ERBB4: variants seen among roughly 807,000 people sequenced by gnomAD.
ERBB4 encodes erb-b2 receptor tyrosine kinase 4, also known as receptor tyrosine-protein kinase erbB-4.
A neutral mutation model predicts 158.0 loss-of-function variants in ERBB4; 42 were observed. That is an observed-to-expected ratio of 0.27 (90% CI 0.21 to 0.34). The LOEUF (loss-of-function observed/expected upper bound fraction) is 0.34. Ranked by LOEUF, ERBB4 falls within the 10% of genes least tolerant of loss-of-function variation. The probability of loss-of-function intolerance (pLI) is 1.00; values close to 1 mark genes in which losing one functional copy is unlikely to be tolerated. For missense variants in ERBB4, 1,333 were observed against 1,624.1 expected, an observed-to-expected ratio of 0.82 and a Z score of 3.08; for synonymous variants, 583 against 558.7, an observed-to-expected ratio of 1.04 and a Z score of -0.61.
At chr2:211,738,376 T>G (rs4673631) in intron 5 of ERBB4, among the ~76,000 whole-genome samples, 5 of 89,854 alleles carry the variant, frequency 5.6e-5, no homozygotes, top group African/African-American at 2.3e-4. Context: ...TTTTTTTTTT[T>G]TTTTTTTTTT....
chr2:212,045,929 AT>A (rs556564522), intron 2 of ERBB4, among the ~76,000 whole-genome samples: 3 of 152,194 alleles, frequency 2.0e-5, no homozygotes, highest in Non-Finnish European at 4.4e-5. Context: ...AAGGACAGAG[AT>A]GTCAAACCCT....
chr2:211,825,928 C>T (rs1158038273), intron 3 of ERBB4, among the ~76,000 whole-genome samples: 1 of 148,330 alleles, frequency 6.7e-6, no homozygotes, highest in Non-Finnish European at 1.5e-5. Flanking sequence ...AATTTGGGAG[C>T]TTTGGCTTAG....
chr2:211,917,134 G>T (rs890526386), intron 3 of ERBB4, among the ~76,000 whole-genome samples: 1 of 152,172 alleles, frequency 6.6e-6, no homozygotes, highest in South Asian at 2.1e-4. Context: ...CAGGCTATAA[G>T]TGCCATAAGA....
At chr2:211,768,184 T>A (rs779988858) in intron 4 of ERBB4, among the ~76,000 whole-genome samples, 1 of 152,208 alleles carries the variant, frequency 6.6e-6, no homozygotes, top group Non-Finnish European at 1.5e-5. Flanking sequence ...TTTGGCTCCA[T>A]GTCTCACATC....
intron 19 of ERBB4, among the ~76,000 whole-genome samples, chr2:211,616,213 A>G (rs2069383568): frequency 6.6e-6 from 1 of 152,050 alleles, no homozygotes. Flanking sequence ...TTAACCCTTG[A>G]GTGGGGTAAT....
Position 211,937,721 on chromosome 2 carries a change from C to T in ERBB4, c.421+9709G>A, listed in dbSNP as rs918816183. Reference sequence around the variant, plus strand: ...ATCAGCTCTTGTGAGAACTAACTCACTATCATGAGAACAGGAAGGGGAAAA... The same window carrying T: ...ATCAGCTCTTGTGAGAACTAACTCATTATCATGAGAACAGGAAGGGGAAAA... On this transcript the variant is annotated intron_variant, in intron 3 of 27. Coordinates refer to ENST00000342788, the MANE Select transcript of ERBB4 (RefSeq NM_005235.3). 3.3e-5 allele frequency among the ~76,000 whole-genome samples: 5 copies of T among 152,186 alleles called. No homozygotes were observed. The South Asian group carries it at 1.0e-3, about 32-fold the overall frequency.
At chr2:211,408,615 CCAAGT>C (rs1477525488) in intron 25 of ERBB4, among the ~76,000 whole-genome samples, 3 of 152,186 alleles carry the variant, frequency 2.0e-5, no homozygotes. Context: ...TTGGCAGCAG[CCAAGT>C]CTAGTGCTGA....
At chr2:212,100,291 A>G (rs979419826) in intron 2 of ERBB4, among the ~76,000 whole-genome samples, 1 of 152,194 alleles carries the variant, frequency 6.6e-6, no homozygotes, top group Non-Finnish European at 1.5e-5. Context: ...AAGGTGATGA[A>G]GAGAGGACAG....
intron 2 of ERBB4, among the ~76,000 whole-genome samples, chr2:212,119,144 T>A (rs1404025449): frequency 6.6e-6 from 1 of 152,102 alleles, no homozygotes; most frequent in African/African-American, 2.4e-5. Context: ...CATCTCCTTA[T>A]AATCTTAATG....
chr2:211,538,292 A>G (rs763596726), intron 20 of ERBB4, among the ~76,000 whole-genome samples: 50 of 151,786 alleles, frequency 3.3e-4, no homozygotes, highest in Non-Finnish European at 1.2e-4. Flanking sequence ...TCATTACTTT[A>G]TGAAGCATCC....
chr2:212,208,177 C>T (rs1198267549), intron 1 of ERBB4, among the ~76,000 whole-genome samples: 5 of 152,146 alleles, frequency 3.3e-5, no homozygotes, highest in Admixed American at 1.3e-4. Context: ...GAGGATTAGT[C>T]GCTTGTTTGT....
chr2:211,647,513 T>C (rs1203622873), intron 16 of ERBB4, among the ~76,000 whole-genome samples: 1 of 151,618 alleles, frequency 6.6e-6, no homozygotes, highest in Non-Finnish European at 1.5e-5. Context: ...TTAGCACCCT[T>C]CTACTGTGAG....
intron 1 of ERBB4, among the ~76,000 whole-genome samples, chr2:212,333,679 G>A (rs895300849): frequency 7.6e-6 from 1 of 132,260 alleles, no homozygotes; most frequent in African/African-American, 2.9e-5. Context: ...GGGTGATGGA[G>A]TGAGATTCTG....
chr2:211,504,583 A>G (rs954110968), intron 20 of ERBB4, among the ~76,000 whole-genome samples: 1 of 152,166 alleles, frequency 6.6e-6, no homozygotes, highest in Non-Finnish European at 1.5e-5. Context: ...AAAGGACCAC[A>G]CTAGCTCTCT....
chr2:211,436,541 C>T (rs1039253273), intron 20 of ERBB4, among the ~76,000 whole-genome samples: 5 of 152,180 alleles, frequency 3.3e-5, no homozygotes, highest in Non-Finnish European at 7.3e-5. Flanking sequence ...ACTTAAATAG[C>T]AATTGGCATA....
At position 211,590,712 on chromosome 2, in the gene ERBB4, T is replaced by A. The variant is rs544892949; in HGVS notation, c.2301+28465A>T. 2.0e-5 allele frequency among the ~76,000 whole-genome samples: 3 copies of A among 152,292 alleles called. No individual in the cohort carries two copies. In the South Asian group the frequency reaches 6.2e-4, roughly 32 times the overall value. ...TAACGATAAAACTCTGGTTTCCCGC[T>A]CAGCTGGCTCTGCGTTAATTACTCT... On this transcript the variant is annotated intron_variant, in intron 19 of 27. Coordinates refer to ENST00000342788, the MANE Select transcript of ERBB4 (RefSeq NM_005235.3).
chr2:211,549,025 G>A (rs1413326629), intron 20 of ERBB4, among the ~76,000 whole-genome samples: 1 of 152,008 alleles, frequency 6.6e-6, no homozygotes, highest in Non-Finnish European at 1.5e-5. Flanking sequence ...GGTTCTCTCT[G>A]CGTCATTTTT....
At chr2:212,159,272 T>TG (rs1020098627) in intron 1 of ERBB4, among the ~76,000 whole-genome samples, 5 of 151,668 alleles carry the variant, frequency 3.3e-5, no homozygotes, top group African/African-American at 1.2e-4. Flanking sequence ...TTGTTTTTTT[T>TG]TTTTTTTTGG....
chr2:211,747,778 A>G (rs1381263542), intron 5 of ERBB4, among the ~76,000 whole-genome samples: 1 of 151,878 alleles, frequency 6.6e-6, no homozygotes, highest in Non-Finnish European at 1.5e-5. Context: ...TTTTACTCAT[A>G]TATCTCAATC....
Sources: gnomAD v4.1 joint callset for allele counts (sites outside exome capture counted in the v4.1 genomes callset) on GRCh38, gnomAD v4.1.1 for gene constraint, MANE v1.5 for transcripts, NCBI Gene and HGNC (gene_info 2026-07-23, HGNC 2026-07-21) for gene names.